Variants in ANGPT1 observed in about 807,000 individuals in gnomAD.
ANGPT1 encodes the protein angiopoietin 1, also known as angiopoietin-1.
Under a neutral mutation model 62.2 loss-of-function variants are expected in ANGPT1, and 17 were observed. That is an observed-to-expected ratio of 0.27 (90% CI 0.19 to 0.41). ANGPT1 has a LOEUF of 0.41. Among genes scored for constraint, ANGPT1 ranks in the 10% least tolerant of loss-of-function variants. The pLI is 1.00. For missense variants in ANGPT1, 478 were observed against 594.9 expected (o/e 0.80, Z 2.04); for synonymous variants, 199 against 198.9 (o/e 1.00, Z 0.00).
intron 8 of ANGPT1, 27 bp from the exon 9 acceptor site, chr8:107,252,042 G>C (rs1813259054): frequency 1.3e-6 from 2 of 1,594,136 alleles, no homozygotes; most frequent in African/African-American, 1.3e-5. Context: ...TAATAGAAGA[G>C]AGAAGGAGAG....
chr8:107,390,858 T>C (rs1482759622), intron 1 of ANGPT1, among the ~76,000 whole-genome samples: 1 of 152,008 alleles, frequency 6.6e-6, no homozygotes, highest in Non-Finnish European at 1.5e-5. Context: ...CCAGGCTAGG[T>C]TCTGAATCTA....
At chr8:107,465,807 A>G (rs1256238596) in intron 1 of ANGPT1, among the ~76,000 whole-genome samples, 1 of 152,186 alleles carries the variant, frequency 6.6e-6, no homozygotes, top group Non-Finnish European at 1.5e-5. Context: ...TTTGGGCAAG[A>G]GACCACTGTG....
chr8:107,314,812 G>A (rs17361877), intron 4 of ANGPT1, among the ~76,000 whole-genome samples: 19,609 of 152,106 alleles, frequency 0.13, 1,554 homozygotes, highest in East Asian at 0.35. Context: ...CCCAGTCAAC[G>A]AAACTGATAT....
At chr8:107,367,253 CT>C (rs1816293946) in intron 1 of ANGPT1, among the ~76,000 whole-genome samples, 1 of 152,162 alleles carries the variant, frequency 6.6e-6, no homozygotes, top group Non-Finnish European at 1.5e-5. Context: ...TGGGTTTACA[CT>C]ATACTGTGGT....
chr8:107,283,911 A>T (rs1200448312), intron 7 of ANGPT1: 1 of 152,214 alleles, frequency 6.6e-6, no homozygotes, highest in East Asian at 1.9e-4. Context: ...CTTGACTTTG[A>T]CGTCTGTAAG....
chr8:107,344,341 A>T (rs1194932243), intron 2 of ANGPT1, among the ~76,000 whole-genome samples: 1 of 152,228 alleles, frequency 6.6e-6, no homozygotes, highest in Non-Finnish European at 1.5e-5. Flanking sequence ...TGGAAAGAGG[A>T]ACTTGAAGGC....
intron 1 of ANGPT1, among the ~76,000 whole-genome samples, chr8:107,430,313 T>C (rs576615353): frequency 6.6e-6 from 1 of 152,288 alleles, no homozygotes; most frequent in African/African-American, 2.4e-5. Flanking sequence ...AATGTTTGCG[T>C]GGTTCTTTCT....
chr8:107,292,625 G>T (rs1425580380), intron 6 of ANGPT1, among the ~76,000 whole-genome samples: 1 of 152,144 alleles, frequency 6.6e-6, no homozygotes, highest in Non-Finnish European at 1.5e-5. Flanking sequence ...AAATAACAAA[G>T]ACATCAGGAT....
intron 1 of ANGPT1, among the ~76,000 whole-genome samples, chr8:107,433,879 G>C (rs1040403816): frequency 6.6e-6 from 1 of 152,148 alleles, no homozygotes; most frequent in African/African-American, 2.4e-5. Flanking sequence ...TCAAAGGCAG[G>C]ATGTTATAGA....
intron 7 of ANGPT1, 121 bp downstream of exon 7, chr8:107,284,560 CA>C (rs1373180010): frequency 5.5e-3 from 4,714 of 861,996 alleles, no homozygotes; most frequent in Middle Eastern, 9.0e-3. Flanking sequence ...TAGGTCTAGA[CA>C]AAAAAAAAAG....
chr8:107,480,972 A>T (rs1812661027), intron 1 of ANGPT1, among the ~76,000 whole-genome samples: 1 of 152,166 alleles, frequency 6.6e-6, no homozygotes, highest in Non-Finnish European at 1.5e-5. Flanking sequence ...TTGGATCTTC[A>T]AGGCATTTTA....
intron 4 of ANGPT1, among the ~76,000 whole-genome samples, chr8:107,311,836 G>C (rs892710798): frequency 2.6e-5 from 4 of 152,084 alleles, no homozygotes; most frequent in African/African-American, 9.7e-5. Context: ...AGTCCGAGGC[G>C]GGCGGATCAC....
chr8:107,348,072 A>G (rs1815851481), intron 1 of ANGPT1, among the ~76,000 whole-genome samples: 1 of 152,206 alleles, frequency 6.6e-6, no homozygotes, highest in African/African-American at 2.4e-5. Context: ...TACTACACAT[A>G]TAGGGAAATT....
chr8:107,426,091 T>C (rs976450098), intron 1 of ANGPT1, among the ~76,000 whole-genome samples: 2 of 148,702 alleles, frequency 1.3e-5, no homozygotes, highest in Non-Finnish European at 3.0e-5. Context: ...TCTCTGGTGC[T>C]TTACAAACAT....
chr8:107,320,004 A>G (rs1029820897), intron 4 of ANGPT1, among the ~76,000 whole-genome samples: 11 of 152,170 alleles, frequency 7.2e-5, no homozygotes, highest in Admixed American at 7.2e-4. Flanking sequence ...TGTCATTAAA[A>G]AGAAAAGATA....
intron 1 of ANGPT1, among the ~76,000 whole-genome samples, chr8:107,441,813 G>T (rs527436085): frequency 6.6e-6 from 1 of 151,994 alleles, no homozygotes; most frequent in Non-Finnish European, 1.5e-5. Context: ...CTGGCCAGGC[G>T]CATGGCTCAT....
intron 1 of ANGPT1, among the ~76,000 whole-genome samples, chr8:107,386,250 G>A (rs181918766): frequency 2.0e-4 from 31 of 152,152 alleles, no homozygotes; most frequent in Admixed American, 9.8e-4. Context: ...TGAGGATGGA[G>A]GGTAGGAGGA....
At chr8:107,416,580 T>C (rs546571564) in intron 1 of ANGPT1, among the ~76,000 whole-genome samples, 13 of 152,244 alleles carry the variant, frequency 8.5e-5, no homozygotes, top group African/African-American at 2.2e-4. Flanking sequence ...GGAAACCTCA[T>C]TGGACAGGCA....
At chr8:107,366,847 C>T (rs1205715964) in intron 1 of ANGPT1, among the ~76,000 whole-genome samples, 1 of 151,078 alleles carries the variant, frequency 6.6e-6, no homozygotes, top group Non-Finnish European at 1.5e-5. Context: ...GTAAATGGCA[C>T]TACAGGTTCT....
Sources: gnomAD v4.1 joint callset for allele counts (sites outside exome capture counted in the v4.1 genomes callset) on GRCh38, gnomAD v4.1.1 for gene constraint, MANE v1.5 for transcripts, NCBI Gene and HGNC (gene_info 2026-07-23, HGNC 2026-07-21) for gene names.